The following ZNF544 variants were observed in gnomAD, a reference collection of about 807,000 sequenced individuals.
ZNF544 encodes zinc finger protein AF020591.
In ZNF544, 10 loss-of-function variants were observed where a neutral mutation model predicts 13.5. The ratio of observed to expected loss-of-function variants is 0.74; its 90% confidence interval spans 0.46 to 1.25. The LOEUF (loss-of-function observed/expected upper bound fraction) is 1.25, where lower values mean the gene tolerates loss of function less well. Ranked by LOEUF, ZNF544 falls within the 50% of genes most tolerant of loss-of-function variation. The pLI is 0.00. For synonymous variants in ZNF544, 323 were observed against 300.5 expected, an observed-to-expected ratio of 1.07 and a Z score of -0.77; for missense variants, 896 against 845.6, an observed-to-expected ratio of 1.06 and a Z score of -0.74.
chr19:58,256,949 TCTCA>T (rs1465727768), intron 6 of ZNF544, among the ~76,000 whole-genome samples: 1 of 152,288 alleles, frequency 6.6e-6, no homozygotes, highest in African/African-American at 2.4e-5. Flanking sequence ...GGCATTTCAG[TCTCA>T]CTCTGTTGCC....
downstream of ZNF544, among the ~76,000 whole-genome samples, chr19:58,265,282 A>T (rs535157080): frequency 2.7e-5 from 4 of 147,346 alleles, no homozygotes; most frequent in African/African-American, 7.5e-5. Context: ...CCATGTCTGC[A>T]TATTTATTTA....
downstream of ZNF544, among the ~76,000 whole-genome samples, chr19:58,265,913 G>A (rs1356906284): frequency 6.6e-6 from 1 of 151,898 alleles, no homozygotes; most frequent in African/African-American, 2.4e-5. Flanking sequence ...CAGGATAAGA[G>A]CCAATGGGAG....
At chr19:58,254,683 C>T (rs547897476) in intron 6 of ZNF544, among the ~76,000 whole-genome samples, 4 of 152,220 alleles carry the variant, frequency 2.6e-5, no homozygotes, top group South Asian at 2.1e-4. Context: ...GGTTCCTGGG[C>T]GTAATCCCAG....
downstream of ZNF544, among the ~76,000 whole-genome samples, chr19:58,266,351 T>C (rs375875047): frequency 1.3e-5 from 2 of 150,466 alleles, no homozygotes; most frequent in Non-Finnish European, 3.0e-5. Flanking sequence ...CCGTCTCTAC[T>C]GAAAATACAA....
intron 6 of ZNF544, among the ~76,000 whole-genome samples, chr19:58,252,483 C>T (rs1303412986): frequency 6.6e-6 from 1 of 152,198 alleles, no homozygotes; most frequent in East Asian, 1.9e-4. Flanking sequence ...ATATACATAA[C>T]TTTCTTCACC....
At chr19:58,231,168 C>A (rs980541030) in intron 3 of ZNF544, among the ~76,000 whole-genome samples, 8 of 149,294 alleles carry the variant, frequency 5.4e-5, no homozygotes, top group Non-Finnish European at 3.0e-5. Context: ...GGCCTCAGGC[C>A]AAGGATGTTA....
Position 58,261,924 on chromosome 19 carries a change from G to A in ZNF544, c.1318G>A (p.Glu440Lys). The A allele has an allele frequency of 6.2e-7, 1 of 1,613,202 alleles. No individual in the cohort carries two copies. Among genetic ancestry groups the A allele is most frequent in the East Asian group, 2.2e-5 (1 of 44,848 alleles). The change falls in exon 7 of 7, where the codon GAA becomes AAA. Residue 440 changes from glutamate (E) to lysine (K), a missense_variant. Glu to Lys is a moderately conservative substitution (Grantham distance 56). Transcript: ENST00000687789. ...TGGAGAAAAACCGTATCAGTGTATT[G>A]AATGCAGAAAATCCTTCAGGTGGAA... ...HTGEKPYQCI[E>K]CRKSFRWNSN...
At position 58,261,251 on chromosome 19, in the gene ZNF544, T is replaced by C; in HGVS notation, c.645T>C (p.Ser215=). ...KNGADGKHCE[S]HQCARAFCQS... ...GAGCAGATGGGAAGCACTGTGAGAGTCATCAGTGTGCTAGAGCTTTCTGTC... is the reference window on the plus strand; with the variant it reads ...GAGCAGATGGGAAGCACTGTGAGAGCCATCAGTGTGCTAGAGCTTTCTGTC... The change falls in exon 7 of 7, where the codon AGT becomes AGC. Residue 215 remains serine, a synonymous_variant. Coordinates refer to ENST00000687789, the MANE Select transcript of ZNF544 (RefSeq NM_014480.4). 1.2e-6 allele frequency: 2 copies of C among 1,614,074 alleles called. No homozygotes were observed.
chr19:58,269,610 CAA>C (rs66778347), intron 5 of ZNF544, among the ~76,000 whole-genome samples: 44 of 102,558 alleles, frequency 4.3e-4, no homozygotes, highest in African/African-American at 1.4e-3. Flanking sequence ...GACTCTGTCT[CAA>C]AAAAAAAAAA....
chr19:58,243,142 C>T (rs2044272944), intron 3 of ZNF544, among the ~76,000 whole-genome samples: 3 of 152,094 alleles, frequency 2.0e-5, no homozygotes, highest in African/African-American at 7.2e-5. Flanking sequence ...GGTCAGAGTT[C>T]AAGGCTCTTC....
At chr19:58,253,639 T>C (rs2046685587) in intron 6 of ZNF544, among the ~76,000 whole-genome samples, 1 of 151,938 alleles carries the variant, frequency 6.6e-6, no homozygotes, top group Admixed American at 6.6e-5. Context: ...GGGTTTTCAC[T>C]GTGTTAGCCA....
At position 58,261,346 on chromosome 19, in the gene ZNF544, G is replaced by T. The variant is rs1568498428; in HGVS notation, c.740G>T (p.Ser247Ile). ...AAAAACCCTTATGAATATATTGTCA[G>T]TGGTGACTCTCTCAACTATGGTTCC... ...GKKNPYEYIV[S>I]GDSLNYGSSL... The change falls in exon 7 of 7, where the codon AGT (serine) becomes ATT (isoleucine). Residue 247 changes from serine (S) to isoleucine (I), a missense_variant. Physicochemically the swap from Ser to Ile is moderately radical, Grantham distance 142. Transcript: ENST00000687789. 1 of 1,614,066 alleles carries T rather than the reference G, an allele frequency of 6.2e-7. No homozygotes were observed. Among genetic ancestry groups the T allele is most frequent in the Non-Finnish European group, 8.5e-7 (1 of 1,180,052 alleles).
In ZNF544 at chr19:58,276,333, GCTGC is replaced by G; in HGVS notation, c.259_262del (p.Pro87GlyfsTer8). On this transcript the variant is annotated frameshift_variant, in exon 6 of 7. Coordinates refer to the ZNF544 transcript ENST00000595981. LOFTEE classifies it high-confidence loss of function. ...CTTCTCTGCCTACAGAGAAGGGGATGCTGCCTGGGAGCTTTTTGGGACTCCCAAT... is the reference window on the plus strand; with the variant it reads ...CTTCTCTGCCTACAGAGAAGGGGATGCTGGGAGCTTTTTGGGACTCCCAAT... 2 of 1,231,516 alleles carry G rather than the reference GCTGC, an allele frequency of 1.6e-6. No homozygotes were observed. Among genetic ancestry groups the G allele is most frequent in the Non-Finnish European group, 2.0e-6 (2 of 987,794 alleles). 76.3% of individuals were successfully genotyped at this position (1,231,516 alleles called of 1,614,324 possible).
At position 58,260,875 on chromosome 19, in the gene ZNF544, A is replaced by C. The variant is rs2048783958; in HGVS notation, c.269A>C (p.Asn90Thr). The C allele has an allele frequency of 6.2e-7, 1 of 1,607,992 alleles. No homozygotes were observed. The highest frequency in any genetic ancestry group is 1.7e-5 in the Admixed American group (1 of 58,614). Residue 90 changes from asparagine (N) to threonine (T), a missense_variant, in exon 7 of 7, where the codon AAT becomes ACT. Transcript: ENST00000687789. Reference sequence around the variant, plus strand: ...GACTGGAAAGCTACCCTTGAGGAGAATAGGTTGAATTCTGAAAAAGATCGA... The same window carrying C: ...GACTGGAAAGCTACCCTTGAGGAGACTAGGTTGAATTCTGAAAAAGATCGA... ...PRDWKATLEE[N>T]RLNSEKDRAR...
rs368276456 is a variant in ZNF544 at position 58,261,176 on chromosome 19, A to G, written c.570A>G (p.Gln190=). 1.3e-5 allele frequency: 21 copies of G among 1,614,070 alleles called. No homozygotes were observed. The highest frequency in any genetic ancestry group is 1.7e-5 in the Admixed American group (1 of 60,004). Residue 190 remains glutamine (Q), a synonymous_variant, in exon 7 of 7, where the codon CAA becomes CAG. Coordinates refer to ENST00000687789, the MANE Select transcript of ZNF544 (RefSeq NM_014480.4). ...CAGGTTTCCCTAAGCCCAACTCACA[A>G]GTTAAAGAGTTGAAACAAAATTCAG... The part of the protein sequence containing the change: ...TSTGFPKPNS[Q]VKELKQNSAF...
rs572730777 is a variant in ZNF544 at position 58,248,959 on chromosome 19, T to C, written c.244+2165T>C. Among the ~76,000 whole-genome samples, 3 of 152,262 alleles carry C rather than the reference T, an allele frequency of 2.0e-5. No homozygotes were observed. The South Asian group carries it at 6.2e-4, about 32-fold the overall frequency. The stretch of plus-strand genomic sequence containing the variant: ...AACTAGTCTGATTGGTTGGGGAAGG[T>C]GACCAACAGAGGCTGAAGTGAAGTT... On this transcript the variant is annotated intron_variant, in intron 6 of 6. Transcript: ENST00000687789.
At chr19:58,256,938 A>G (rs1012303029) in intron 6 of ZNF544, among the ~76,000 whole-genome samples, 11 of 152,286 alleles carry the variant, frequency 7.2e-5, no homozygotes, top group African/African-American at 2.4e-4. Context: ...AAACAAGCTT[A>G]GGCATTTCAG....
intron 6 of ZNF544, chr19:58,257,441 A>T (rs1376164477): frequency 1.3e-5 from 2 of 152,210 alleles, no homozygotes; most frequent in African/African-American, 4.8e-5. Flanking sequence ...GTGGCCCATG[A>T]CCAGTCTGAT....
downstream of ZNF544, among the ~76,000 whole-genome samples, chr19:58,265,396 C>T (rs1012531500): frequency 3.3e-5 from 5 of 150,702 alleles, no homozygotes; most frequent in Admixed American, 1.3e-4. Context: ...CCTGGGTTCA[C>T]GCCACTCTCC....
Sources: gnomAD v4.1 joint callset for allele counts (sites outside exome capture counted in the v4.1 genomes callset) on GRCh38, gnomAD v4.1.1 for gene constraint, MANE v1.5 for transcripts, NCBI Gene and HGNC (gene_info 2026-07-23, HGNC 2026-07-21) for gene names.